The following SRPRB variants were observed in gnomAD, a reference collection of about 807,000 sequenced individuals.
SRPRB encodes signal recognition particle receptor subunit beta.
Under a neutral mutation model 31.9 loss-of-function variants are expected in SRPRB, and 20 were observed. The ratio of observed to expected loss-of-function variants is 0.63; its 90% confidence interval spans 0.44 to 0.91. SRPRB has a LOEUF of 0.91. Among genes scored for constraint, SRPRB ranks in the 40% least tolerant of loss-of-function variants. SRPRB has a pLI of 0.00. For synonymous variants in SRPRB, 146 were observed against 132.8 expected (o/e 1.10, Z -0.68); for missense variants, 321 against 324.9 (o/e 0.99, Z 0.09).
At chr3:133,823,396 G>T (rs1475323421), downstream of SRPRB, among the ~76,000 whole-genome samples, 1 of 152,168 alleles carries the variant, frequency 6.6e-6, no homozygotes, top group Admixed American at 6.5e-5. Flanking sequence ...AAGTAGCTGG[G>T]ATTACAGGCC....
At chr3:133,821,688 C>T (rs185862145), downstream of SRPRB, among the ~76,000 whole-genome samples, 66 of 152,260 alleles carry the variant, frequency 4.3e-4, no homozygotes, top group Admixed American at 4.1e-3. Flanking sequence ...GAATTACCTG[C>T]GATGCTTGTT....
chr3:133,815,675 A>C lies in SRPRB; in HGVS notation c.496A>C (p.Ser166Arg), dbSNP rs1461648832. 1.2e-6 allele frequency: 2 copies of C among 1,614,074 alleles called. No individual in the cohort carries two copies. The highest frequency in any genetic ancestry group is 2.2e-5 in the South Asian group (2 of 91,056). The change falls in exon 5 of 7, where the codon AGT (serine) becomes CGT (arginine). Residue 166 changes from serine to arginine, a missense_variant. By Grantham distance (110) the Ser-to-Arg change is moderately radical. Coordinates refer to ENST00000678299, the MANE Select transcript of SRPRB (RefSeq NM_001379313.1). ...AEFLYQVLID[S>R]MGLKNTPSFL... ...GTTTCTGTATCAAGTCCTCATTGAC[A>C]GTATGGGTCTGAAGAATACACCATC...
intron 5 of SRPRB, among the ~76,000 whole-genome samples, chr3:133,816,031 G>T (rs564605242): frequency 6.6e-6 from 1 of 152,290 alleles, no homozygotes; most frequent in South Asian, 2.1e-4. Flanking sequence ...GACAATATGT[G>T]ATATCAGATG....
chr3:133,807,855 A>T (rs201760908), intron 3 of SRPRB, 32 bp downstream of exon 3: 2 of 1,547,388 alleles, frequency 1.3e-6, no homozygotes, highest in South Asian at 1.2e-5. Context: ...GGAGTCTGAC[A>T]GTCTTACTTT....
At chr3:133,788,520 A>G (rs1934745310) in intron 1 of SRPRB, 1 of 152,188 alleles carries the variant, frequency 6.6e-6, no homozygotes, top group Non-Finnish European at 1.5e-5. Context: ...TCTTGGTTCA[A>G]TATGCCCAGA....
At chr3:133,788,070 G>A (rs1934731942) in intron 1 of SRPRB, 1 of 152,194 alleles carries the variant, frequency 6.6e-6, no homozygotes. Context: ...AACCATGTGT[G>A]TAGTTTATTC....
intron 3 of SRPRB, among the ~76,000 whole-genome samples, chr3:133,810,013 C>A (rs1194211738): frequency 1.3e-5 from 2 of 151,964 alleles, no homozygotes; most frequent in Non-Finnish European, 2.9e-5. Flanking sequence ...TTTCTCCTAC[C>A]CCCTTACGTT....
At chr3:133,800,055 C>G (rs1228305492) in intron 1 of SRPRB, among the ~76,000 whole-genome samples, 2 of 152,180 alleles carry the variant, frequency 1.3e-5, no homozygotes, top group East Asian at 3.8e-4. Flanking sequence ...TGGCACTGTT[C>G]CTCTGTAGTA....
downstream of SRPRB, chr3:133,826,202 G>A (rs1228811217): frequency 6.6e-6 from 1 of 152,210 alleles, no homozygotes; most frequent in Non-Finnish European, 1.5e-5. Context: ...CAGAGGCCAA[G>A]GGGCTGGGGA....
rs938222934 is a variant in SRPRB, at chr3:133,820,369, G to A, written c.*603G>A. 1.9e-5 allele frequency: 3 copies of A among 153,992 alleles called. No individual in the cohort carries two copies. The highest frequency in any genetic ancestry group is 4.3e-5 in the Non-Finnish European group (3 of 69,216). 9.5% of individuals were successfully genotyped at this position (153,992 alleles called of 1,614,324 possible). On this transcript the variant is annotated 3_prime_UTR_variant, in exon 7 of 7. Coordinates refer to ENST00000678299, the MANE Select transcript of SRPRB (RefSeq NM_001379313.1). Reference sequence around the variant, plus strand: ...TGTCCACACTCGTCTTAGCACTTACGTTTCAAAAGCTTGTCACAAACCCTT... The same window carrying A: ...TGTCCACACTCGTCTTAGCACTTACATTTCAAAAGCTTGTCACAAACCCTT...
chr3:133,785,305 G>A, intron 1 of SRPRB: 1 of 111,894 alleles, frequency 8.9e-6, no homozygotes, highest in African/African-American at 3.6e-5. Flanking sequence ...AGGTGGGGGG[G>A]TCGGCCCCCC....
At chr3:133,805,813 T>A (rs764863930), upstream of SRPRB, 42 of 1,579,556 alleles carry the variant, frequency 2.7e-5, no homozygotes, top group African/African-American at 5.4e-4. Flanking sequence ...CAGGGCCACG[T>A]CGCTTTTGCT....
At chr3:133,828,199 C>G (rs1229748559), downstream of SRPRB, 1 of 576,760 alleles carries the variant, frequency 1.7e-6, no homozygotes, top group Non-Finnish European at 3.1e-6. Context: ...CATGGAAAGA[C>G]AAGAGTCAGA....
At chr3:133,790,442 AG>A (rs1934803505) in intron 1 of SRPRB, 1 of 152,216 alleles carries the variant, frequency 6.6e-6, no homozygotes, top group South Asian at 2.1e-4. Context: ...TCTAAAAGTT[AG>A]TTCAAATTAC....
chr3:133,823,944 C>A (rs1447089542), downstream of SRPRB, among the ~76,000 whole-genome samples: 1 of 152,194 alleles, frequency 6.6e-6, no homozygotes, highest in Non-Finnish European at 1.5e-5. Flanking sequence ...ATATATCGTA[C>A]CCCTGACTCA....
intron 6 of SRPRB, among the ~76,000 whole-genome samples, chr3:133,819,073 G>T (rs981884223): frequency 2.6e-5 from 4 of 152,106 alleles, no homozygotes; most frequent in African/African-American, 9.7e-5. Context: ...AAAGAGGTTG[G>T]ATAATAGTAA....
intron 1 of SRPRB, among the ~76,000 whole-genome samples, chr3:133,798,689 T>C (rs369166831): frequency 1.1e-4 from 17 of 152,250 alleles, no homozygotes; most frequent in African/African-American, 4.1e-4. Flanking sequence ...TCATGATGTG[T>C]AAAAAAGCAT....
intron 5 of SRPRB, 138 bp downstream of exon 5, chr3:133,815,864 T>A: frequency 9.1e-7 from 1 of 1,096,294 alleles, no homozygotes; most frequent in Non-Finnish European, 1.3e-6. Flanking sequence ...GAAGGATTTT[T>A]AATCTTAAAA....
At chr3:133,802,581 A>G (rs1935078481), upstream of SRPRB, among the ~76,000 whole-genome samples, 1 of 152,080 alleles carries the variant, frequency 6.6e-6, no homozygotes, top group South Asian at 2.1e-4. Context: ...AAGCCTTGTC[A>G]AAGGAGCCTC....
Sources: allele counts gnomAD v4.1 joint callset (sites outside exome capture counted in the v4.1 genomes callset), GRCh38; gene constraint gnomAD v4.1.1; transcripts MANE v1.5; gene names NCBI Gene and HGNC (gene_info 2026-07-23, HGNC 2026-07-21).